PGAP4: variants seen among roughly 807,000 people sequenced by gnomAD.
PGAP4 encodes the protein post-GPI attachment to proteins GalNAc transferase 4, also known as GPI-N-acetylgalactosamine transferase PGAP4.
PGAP4 carries 12 observed loss-of-function variants against 28.2 expected under a neutral mutation model. The observed-to-expected ratio is 0.42, with a 90% CI of 0.27 to 0.69. PGAP4 has a LOEUF of 0.69. PGAP4 is among the 30% of genes least tolerant of loss of function. The probability of loss-of-function intolerance (pLI) is 0.22; values close to 1 mark genes in which losing one functional copy is unlikely to be tolerated. For missense variants in PGAP4, 425 were observed against 513.5 expected, an observed-to-expected ratio of 0.83 and a Z score of 1.67; for synonymous variants, 205 against 211.8, an observed-to-expected ratio of 0.97 and a Z score of 0.28.
chr9:101,494,491 C>A (rs908019129), intron 2 of PGAP4, among the ~76,000 whole-genome samples: 1 of 151,716 alleles, frequency 6.6e-6, no homozygotes, highest in African/African-American at 2.4e-5. Flanking sequence ...AAATAAAAGT[C>A]ATAAGAACAT....
upstream of PGAP4, among the ~76,000 whole-genome samples, chr9:101,490,116 A>G (rs574593200): frequency 3.9e-5 from 6 of 152,308 alleles, no homozygotes; most frequent in East Asian, 1.2e-3. Flanking sequence ...ACTTCACTGT[A>G]TAAGGCTCTT....
At position 101,515,523 on chromosome 9, in the gene PGAP4, G is replaced by C. The variant is rs1240104688; in HGVS notation, c.-165+15825C>G. 2.0e-5 allele frequency among the ~76,000 whole-genome samples: 3 copies of C among 152,142 alleles called. No individual in the cohort carries two copies. The South Asian group carries it at 6.2e-4, about 31-fold the overall frequency. ...GTAGGCATGGTAAAAATGTTTCCAA[G>C]TATAGGCACTCCTCAGTTTACATGG... On this transcript the variant is annotated intron_variant, in intron 2 of 3. Transcript: ENST00000374851.
intron 1 of PGAP4, among the ~76,000 whole-genome samples, chr9:101,483,666 T>C (rs1385521254): frequency 1.3e-5 from 2 of 152,104 alleles, no homozygotes; most frequent in Non-Finnish European, 2.9e-5. Context: ...ATGCATTACA[T>C]ATCCATATCT....
At chr9:101,484,163 C>A (rs541338283) in intron 1 of PGAP4, among the ~76,000 whole-genome samples, 25 of 151,556 alleles carry the variant, frequency 1.6e-4, no homozygotes, top group African/African-American at 5.6e-4. Flanking sequence ...ATGTTGAGTG[C>A]TGTTTTGTAT....
chr9:101,522,903 C>T (rs1422443130), intron 2 of PGAP4, among the ~76,000 whole-genome samples: 1 of 152,134 alleles, frequency 6.6e-6, no homozygotes, highest in Non-Finnish European at 1.5e-5. Flanking sequence ...TTTAGCAGTT[C>T]TTGCAGTGGT....
rs141602562 is a variant in PGAP4, at chr9:101,508,445, C to G, written c.-164-19245G>C. Among the ~76,000 whole-genome samples the G allele has an allele frequency of 1.1e-4, 16 of 152,216 alleles. No individual in the cohort carries two copies. In the East Asian group the frequency reaches 2.9e-3, roughly 28 times the overall value. On this transcript the variant is annotated intron_variant, in intron 2 of 3. Coordinates refer to the PGAP4 transcript ENST00000374851. ...TGATGAGTTCCTTACTGCTATACTG[C>G]TGTCTAAAGAGATTGCTATCATAAC...
upstream of PGAP4, chr9:101,533,503 C>G (rs534370036): frequency 6.6e-6 from 1 of 152,266 alleles, no homozygotes; most frequent in African/African-American, 2.4e-5. Flanking sequence ...TTGACGGGAC[C>G]GTCAGCCAAT....
chr9:101,496,557 T>C (rs1031394465), intron 2 of PGAP4, among the ~76,000 whole-genome samples: 2 of 151,450 alleles, frequency 1.3e-5, no homozygotes, highest in African/African-American at 4.8e-5. Flanking sequence ...AGAAAGACTT[T>C]TAAATAATTT....
At chr9:101,493,626 G>A (rs558495107) in intron 2 of PGAP4, among the ~76,000 whole-genome samples, 3 of 152,152 alleles carry the variant, frequency 2.0e-5, no homozygotes, top group East Asian at 3.9e-4. Flanking sequence ...AGCATTAAGG[G>A]GACATAAGTT....
At chr9:101,491,839 A>ATG (rs1826692897), upstream of PGAP4, among the ~76,000 whole-genome samples, 2 of 124,016 alleles carry the variant, frequency 1.6e-5, no homozygotes, top group Non-Finnish European at 3.6e-5. Flanking sequence ...ATATATATAT[A>ATG]TATATATATT....
At chr9:101,506,280 G>A (rs573106288) in intron 2 of PGAP4, among the ~76,000 whole-genome samples, 3 of 152,168 alleles carry the variant, frequency 2.0e-5, no homozygotes, top group Admixed American at 1.3e-4. Context: ...CCCAATTTTG[G>A]TAGACACTCG....
In PGAP4 at chr9:101,486,450, C is replaced by G. The variant is rs1826616274; in HGVS notation, c.-78+499G>C. Among the ~76,000 whole-genome samples, 1 of 152,220 alleles carries G rather than the reference C, an allele frequency of 6.6e-6. No homozygotes were observed. Among genetic ancestry groups the G allele is most frequent in the Non-Finnish European group, 1.5e-5 (1 of 68,030 alleles). ...AAACCCAACACTGCTGCCGCGCTCT[C>G]GGCGCGCCCGGCGAACCTAAGGTGT... On this transcript the variant is annotated intron_variant, in intron 1 of 1. Transcript: ENST00000374848. The surrounding 1 kb of genome is among the most constrained non-coding windows in gnomAD (Gnocchi z 4.7).
rs1164589205 is a variant in PGAP4 at position 101,476,674 on chromosome 9, T to C, written c.419A>G (p.Gln140Arg). ...QQCGPQCEGH[Q>R]LFLCNVERSV... ...ACGCTCCACGTTGCACAGGAAGAGT[T>C]GGTGCCCCTCGCACTGGGGGCCACA... The change falls in exon 2 of 2, where the codon CAA (glutamine) becomes CGA (arginine). Residue 140 changes from glutamine to arginine, a missense_variant. By Grantham distance (43) the Gln-to-Arg change is conservative. Coordinates refer to ENST00000374848, the MANE Select transcript of PGAP4 (RefSeq NM_032342.3). The surrounding 1 kb of genome is among the most constrained non-coding windows in gnomAD (Gnocchi z 7.0). The C allele has an allele frequency of 1.9e-6, 3 of 1,614,182 alleles. No individual in the cohort carries two copies. The highest frequency in any genetic ancestry group is 3.3e-5 in the Admixed American group (2 of 60,014).
At chr9:101,497,263 T>C (rs1826760070) in intron 2 of PGAP4, among the ~76,000 whole-genome samples, 1 of 151,566 alleles carries the variant, frequency 6.6e-6, no homozygotes, top group Non-Finnish European at 1.5e-5. Flanking sequence ...TTTAACAGTT[T>C]ACCTAGATTA....
chr9:101,517,242 G>A (rs150463970), intron 2 of PGAP4, among the ~76,000 whole-genome samples: 1 of 151,874 alleles, frequency 6.6e-6, no homozygotes, highest in Non-Finnish European at 1.5e-5. Context: ...GCAATGACAT[G>A]GGAAAAAAAG....
intron 2 of PGAP4, among the ~76,000 whole-genome samples, chr9:101,512,683 TAAC>T (rs1012290956): frequency 2.6e-5 from 4 of 152,070 alleles, no homozygotes; most frequent in African/African-American, 4.8e-5. Flanking sequence ...CTATTAACAA[TAAC>T]AACAACAACA....
intron 2 of PGAP4, among the ~76,000 whole-genome samples, chr9:101,507,919 T>A (rs930729609): frequency 1.1e-4 from 17 of 152,092 alleles, no homozygotes; most frequent in African/African-American, 4.1e-4. Context: ...GTGTCCAACA[T>A]CTTTTTGAGA....
At chr9:101,512,173 G>T (rs1441135358) in intron 2 of PGAP4, among the ~76,000 whole-genome samples, 4 of 152,060 alleles carry the variant, frequency 2.6e-5, no homozygotes, top group Non-Finnish European at 5.9e-5. Flanking sequence ...TCCTCTGCTA[G>T]ACCCCAACAG....
rs1046992945 is a variant in PGAP4 at position 101,486,779 on chromosome 9, G to C, written c.-78+170C>G. On this transcript the variant is annotated intron_variant, in intron 1 of 1. Coordinates refer to ENST00000374848, the MANE Select transcript of PGAP4 (RefSeq NM_032342.3). This position sits in a 1 kb window ranked among gnomAD's most constrained non-coding sequence, Gnocchi z 4.7. ...GGGCCGCTAGGCAACCCGCCTGCCC[G>C]AGGCGCACTGCCCGGGGCACAGGCC... Among the ~76,000 whole-genome samples the C allele has an allele frequency of 6.6e-6, 1 of 152,174 alleles. No homozygotes were observed.
Sources: allele counts gnomAD v4.1 joint callset (sites outside exome capture counted in the v4.1 genomes callset), GRCh38; gene constraint gnomAD v4.1.1; non-coding constraint Gnocchi (gnomAD v3.1); transcripts MANE v1.5; gene names NCBI Gene and HGNC (gene_info 2026-07-23, HGNC 2026-07-21).